The following PDGFD variants were observed in gnomAD, a reference collection of about 807,000 sequenced individuals.
PDGFD encodes platelet-derived growth factor D.
A neutral mutation model predicts 44.7 loss-of-function variants in PDGFD; 30 were observed. The observed-to-expected ratio is 0.67, with a 90% CI of 0.50 to 0.91. The LOEUF is 0.91. Ranked by LOEUF, PDGFD falls within the 40% of genes least tolerant of loss-of-function variation. The probability of loss-of-function intolerance (pLI) is 0.00; values close to 1 mark genes in which losing one functional copy is unlikely to be tolerated. For synonymous variants in PDGFD, 173 were observed against 168.4 expected, an observed-to-expected ratio of 1.03 and a Z score of -0.21; for missense variants, 445 against 457.8, an observed-to-expected ratio of 0.97 and a Z score of 0.25.
chr11:104,049,020 C>T (rs966029534), intron 1 of PDGFD, among the ~76,000 whole-genome samples: 4 of 152,178 alleles, frequency 2.6e-5, no homozygotes, highest in Admixed American at 2.6e-4. Context: ...GAGGTTGTGT[C>T]TTGTCAAGGT....
chr11:104,073,697 T>G (rs10502025), intron 1 of PDGFD, among the ~76,000 whole-genome samples: 34,305 of 152,138 alleles, frequency 0.23, 4,262 homozygotes, highest in Non-Finnish European at 0.28. Context: ...ACTTTAGACA[T>G]AAATGCTCAT....
intron 1 of PDGFD, among the ~76,000 whole-genome samples, chr11:104,137,164 A>C (rs1474674016): frequency 6.6e-6 from 1 of 152,180 alleles, no homozygotes; most frequent in East Asian, 1.9e-4. Flanking sequence ...TGTCAATAAT[A>C]AGTCCATTTT....
At chr11:104,151,427 G>A (rs573790893) in intron 1 of PDGFD, among the ~76,000 whole-genome samples, 1 of 152,178 alleles carries the variant, frequency 6.6e-6, no homozygotes, top group African/African-American at 2.4e-5. Context: ...ATACAGAATA[G>A]AATTGTTGTA....
chr11:104,125,662 C>A (rs1861832450), intron 1 of PDGFD, among the ~76,000 whole-genome samples: 1 of 152,164 alleles, frequency 6.6e-6, no homozygotes, highest in South Asian at 2.1e-4. Flanking sequence ...TGTCCCACTA[C>A]TGGGAACATT....
intron 1 of PDGFD, among the ~76,000 whole-genome samples, chr11:104,003,865 C>A (rs1309967854): frequency 6.6e-6 from 1 of 152,080 alleles, no homozygotes; most frequent in Non-Finnish European, 1.5e-5. Context: ...CTGGGAGTGG[C>A]AGATGACAGA....
At chr11:104,020,500 T>C (rs574057403) in intron 1 of PDGFD, among the ~76,000 whole-genome samples, 3 of 152,246 alleles carry the variant, frequency 2.0e-5, no homozygotes, top group South Asian at 4.1e-4. Context: ...AATAGCAATA[T>C]ATTTTTATTA....
At chr11:104,116,404 C>T (rs1275707007) in intron 1 of PDGFD, among the ~76,000 whole-genome samples, 1 of 151,950 alleles carries the variant, frequency 6.6e-6, no homozygotes, top group African/African-American at 2.4e-5. Flanking sequence ...TATTTTTATA[C>T]CAGTACCACG....
At chr11:104,097,910 C>T (rs1861309073) in intron 1 of PDGFD, among the ~76,000 whole-genome samples, 1 of 152,096 alleles carries the variant, frequency 6.6e-6, no homozygotes, top group Non-Finnish European at 1.5e-5. Flanking sequence ...AATTTTAATT[C>T]TACGGCAAAT....
chr11:103,911,517 G>A lies in PDGFD; in HGVS notation c.988-1698C>T, dbSNP rs191869101. ...AAAGGTAAATAAAACCAAAAAGATG[G>A]GGAAAAACCAGTGCAGAAACACTGA... On this transcript the variant is annotated intron_variant, in intron 6 of 6. Transcript: ENST00000393158. Among the ~76,000 whole-genome samples, 12 of 152,172 alleles carry A rather than the reference G, an allele frequency of 7.9e-5. No homozygotes were observed. The East Asian group carries it at 2.1e-3, about 27-fold the overall frequency.
At chr11:103,958,209 G>T (rs1858886452) in intron 3 of PDGFD, among the ~76,000 whole-genome samples, 1 of 152,182 alleles carries the variant, frequency 6.6e-6, no homozygotes, top group African/African-American at 2.4e-5. Context: ...AAGACAGGAT[G>T]CAAGCCCTAT....
intron 3 of PDGFD, among the ~76,000 whole-genome samples, chr11:103,955,637 C>T (rs974708527): frequency 6.6e-6 from 1 of 152,136 alleles, no homozygotes; most frequent in African/African-American, 2.4e-5. Context: ...ATATTTAATA[C>T]AAGGATATCA....
chr11:103,957,709 G>A (rs1858875537), intron 3 of PDGFD, among the ~76,000 whole-genome samples: 1 of 152,162 alleles, frequency 6.6e-6, no homozygotes, highest in South Asian at 2.1e-4. Context: ...GCAAATCCCA[G>A]TCCAGCAAGC....
At chr11:104,044,749 A>G (rs1196201123) in intron 1 of PDGFD, among the ~76,000 whole-genome samples, 1 of 152,102 alleles carries the variant, frequency 6.6e-6, no homozygotes, top group Non-Finnish European at 1.5e-5. Context: ...TTTAAAACTG[A>G]TATTCTTGGC....
At chr11:104,097,254 G>A (rs1294396320) in intron 1 of PDGFD, among the ~76,000 whole-genome samples, 1 of 152,120 alleles carries the variant, frequency 6.6e-6, no homozygotes, top group Admixed American at 6.6e-5. Flanking sequence ...TATGTATTGG[G>A]ACATTTATTA....
At chr11:104,111,018 T>A (rs1861546876) in intron 1 of PDGFD, among the ~76,000 whole-genome samples, 1 of 152,118 alleles carries the variant, frequency 6.6e-6, no homozygotes, top group Admixed American at 6.6e-5. Context: ...TGAGTAAAAT[T>A]CTACAGGAAG....
intron 1 of PDGFD, among the ~76,000 whole-genome samples, chr11:104,157,176 A>G (rs1862318881): frequency 6.6e-6 from 1 of 152,210 alleles, no homozygotes; most frequent in African/African-American, 2.4e-5. Context: ...AGCGACAACC[A>G]GGGCGAGGGG....
At chr11:104,114,008 T>C (rs1565338730) in intron 1 of PDGFD, among the ~76,000 whole-genome samples, 1 of 152,128 alleles carries the variant, frequency 6.6e-6, no homozygotes. Context: ...CTTTAACAGA[T>C]AGATATTTTA....
chr11:103,997,552 G>A (rs988089932), intron 2 of PDGFD, among the ~76,000 whole-genome samples: 5 of 152,100 alleles, frequency 3.3e-5, no homozygotes, highest in African/African-American at 9.7e-5. Context: ...TATCTCTTGG[G>A]TGCTGTGTAA....
chr11:104,036,534 C>T (rs1431373392), intron 1 of PDGFD: 3 of 452,978 alleles, frequency 6.6e-6, no homozygotes, highest in Admixed American at 7.0e-5. Flanking sequence ...TTTGAGCCAT[C>T]GTGTATCCAT....
Sources: gnomAD v4.1 joint callset for allele counts (sites outside exome capture counted in the v4.1 genomes callset) on GRCh38, gnomAD v4.1.1 for gene constraint, MANE v1.5 for transcripts, NCBI Gene and HGNC (gene_info 2026-07-23, HGNC 2026-07-21) for gene names.